Variants in USP47 observed in about 807,000 individuals in gnomAD.
USP47 encodes ubiquitin specific peptidase 47.
A neutral mutation model predicts 165.1 loss-of-function variants in USP47; 35 were observed. The observed-to-expected ratio is 0.21, with a 90% CI of 0.16 to 0.28. The LOEUF (loss-of-function observed/expected upper bound fraction) is 0.28, where lower values mean the gene tolerates loss of function less well. USP47 is among the 10% of genes least tolerant of loss of function. USP47 has a pLI of 1.00. For missense variants in USP47, 1,277 were observed against 1,607.4 expected (o/e 0.79, Z 3.52); for synonymous variants, 531 against 544.5 (o/e 0.98, Z 0.35).
chr11:11,871,275 G>A (rs183501115), intron 1 of USP47, among the ~76,000 whole-genome samples: 226 of 151,704 alleles, frequency 1.5e-3, no homozygotes, highest in African/African-American at 4.4e-3. Context: ...AGGCCGAGGC[G>A]GATAGGTCAT....
intron 1 of USP47, among the ~76,000 whole-genome samples, chr11:11,847,290 T>G (rs1194048383): frequency 1.3e-5 from 2 of 151,962 alleles, no homozygotes; most frequent in Non-Finnish European, 2.9e-5. Flanking sequence ...TTTTTTTTTT[T>G]TGTGCTCACA....
At chr11:11,948,744 G>A (rs1856020207) in intron 22 of USP47, 186 bp downstream of exon 22, 1 of 534,762 alleles carries the variant, frequency 1.9e-6, no homozygotes, top group African/African-American at 1.9e-5. Flanking sequence ...ATAGCACAAG[G>A]AGCCATAGAC....
At chr11:11,886,625 A>G (rs1851180864) in intron 3 of USP47, among the ~76,000 whole-genome samples, 1 of 152,172 alleles carries the variant, frequency 6.6e-6, no homozygotes, top group Non-Finnish European at 1.5e-5. Context: ...TGATTGGGAT[A>G]CCTGAAGGAG....
intron 5 of USP47, among the ~76,000 whole-genome samples, chr11:11,901,883 C>G (rs1852250402): frequency 1.3e-5 from 2 of 149,984 alleles, no homozygotes; most frequent in South Asian, 4.2e-4. Context: ...CGCTTAAAAC[C>G]AGGAGGCAGA....
chr11:11,900,507 G>T (rs921434210), intron 5 of USP47, among the ~76,000 whole-genome samples: 5 of 152,154 alleles, frequency 3.3e-5, no homozygotes, highest in African/African-American at 1.2e-4. Context: ...CCTGCCACTT[G>T]ATTTGGAGTC....
chr11:11,868,383 CA>C (rs1191354480), intron 1 of USP47, among the ~76,000 whole-genome samples: 1 of 152,170 alleles, frequency 6.6e-6, no homozygotes, highest in Non-Finnish European at 1.5e-5. Flanking sequence ...AAAATGGAAT[CA>C]CAGATTGTAG....
intron 8 of USP47, among the ~76,000 whole-genome samples, chr11:11,907,798 A>G (rs936753024): frequency 5.3e-5 from 8 of 152,086 alleles, no homozygotes; most frequent in African/African-American, 1.9e-4. Flanking sequence ...TATTTAATAT[A>G]TTAGATATAG....
intron 5 of USP47, among the ~76,000 whole-genome samples, chr11:11,899,226 T>C (rs1022701635): frequency 3.9e-5 from 6 of 152,200 alleles, no homozygotes; most frequent in African/African-American, 1.4e-4. Flanking sequence ...ACCAGATCGT[T>C]GGACAATGTG....
intron 18 of USP47, among the ~76,000 whole-genome samples, chr11:11,940,146 A>AG (rs1855365056): frequency 6.6e-6 from 1 of 152,022 alleles, no homozygotes; most frequent in Admixed American, 6.6e-5. Context: ...TTTACTTGGC[A>AG]AGTTTGAGAG....
rs1242160112 is a variant in USP47 at position 11,884,583 on chromosome 11, A to G, written c.357+3A>G. The G allele has an allele frequency of 6.3e-7, 1 of 1,597,638 alleles. No homozygotes were observed. The highest frequency in any genetic ancestry group is 8.5e-7 in the Non-Finnish European group (1 of 1,174,018). On this transcript the variant is annotated splice_donor_region_variant and intron_variant, in intron 3 of 27. Coordinates refer to ENST00000527733, the MANE Select transcript of USP47 (RefSeq NM_001282659.2). ...GTGAACAACCTCAAATACTGCTGGTAAGCTACTTAGAAAGCCCCATATTTA... is the reference window on the plus strand; with the variant it reads ...GTGAACAACCTCAAATACTGCTGGTGAGCTACTTAGAAAGCCCCATATTTA...
At chr11:11,849,970 C>T (rs941963406) in intron 1 of USP47, among the ~76,000 whole-genome samples, 1 of 152,096 alleles carries the variant, frequency 6.6e-6, no homozygotes, top group African/African-American at 2.4e-5. Flanking sequence ...TTTTCTGTGT[C>T]GATGTTGAGA....
chr11:11,902,744 C>T lies in USP47; in HGVS notation c.623C>T (p.Pro208Leu). The change falls in exon 6 of 28, where the codon CCA becomes CTA. Residue 208 changes from proline to leucine, a missense_variant. Pro to Leu is a moderately conservative substitution (Grantham distance 98). Transcript: ENST00000527733. ...KWEFEESEED[P>L]VTSIPYQLQR... ...GAATTTGAAGAATCTGAAGAAGATC[C>T]AGTGACAAGTATTCCATACCAACTT... The T allele has an allele frequency of 6.3e-7, 1 of 1,575,700 alleles. No homozygotes were observed. The highest frequency in any genetic ancestry group is 8.6e-7 in the Non-Finnish European group (1 of 1,161,050).
chr11:11,920,040 C>T lies in USP47; in HGVS notation c.970-116C>T, dbSNP rs1457780439. ...AATTTTCCTTGGTACATTTTGAGTT[C>T]CTAAATTTCTAACCATTCTACTTAT... On this transcript the variant is annotated intron_variant, in intron 8 of 27. Coordinates refer to ENST00000527733, the MANE Select transcript of USP47 (RefSeq NM_001282659.2). 8.6e-6 allele frequency: 6 copies of T among 696,522 alleles called. No individual in the cohort carries two copies. In the East Asian group the frequency reaches 1.7e-4, roughly 19 times the overall value. 43.1% of individuals were successfully genotyped at this position (696,522 alleles called of 1,614,324 possible). A position where few individuals can be genotyped will look rare whatever the true frequency, so the allele number is the denominator to read the frequency against.
At chr11:11,876,851 C>A (rs564552843) in intron 1 of USP47, among the ~76,000 whole-genome samples, 2 of 151,966 alleles carry the variant, frequency 1.3e-5, no homozygotes, top group African/African-American at 4.8e-5. Context: ...ACACACACAG[C>A]GTGACTTCTG....
chr11:11,862,024 C>CTT (rs35753812), intron 1 of USP47, among the ~76,000 whole-genome samples: 92 of 140,268 alleles, frequency 6.6e-4, no homozygotes, highest in African/African-American at 2.0e-3. Context: ...GGTACAAAGT[C>CTT]TTTTTTTTTT....
chr11:11,882,299 G>T (rs1850883065), intron 2 of USP47, among the ~76,000 whole-genome samples: 2 of 152,202 alleles, frequency 1.3e-5, no homozygotes, highest in South Asian at 2.1e-4. Flanking sequence ...ACCTCTAACA[G>T]TCAGTGAAGT....
intron 1 of USP47, among the ~76,000 whole-genome samples, chr11:11,859,317 T>C (rs1849241890): frequency 6.6e-6 from 1 of 152,174 alleles, no homozygotes; most frequent in Admixed American, 6.5e-5. Context: ...ACAATTTTGG[T>C]AGGCTCTTTG....
intron 1 of USP47, among the ~76,000 whole-genome samples, chr11:11,867,218 C>T (rs577613409): frequency 4.6e-5 from 7 of 152,140 alleles, no homozygotes; most frequent in Non-Finnish European, 8.8e-5. Context: ...CATGTAAATT[C>T]TTCTCCGTTT....
intron 1 of USP47, among the ~76,000 whole-genome samples, chr11:11,864,135 C>A: frequency 6.6e-6 from 1 of 151,844 alleles, no homozygotes; most frequent in East Asian, 1.9e-4. Flanking sequence ...TATATATCCA[C>A]TCAAATTATA....
Sources: gnomAD v4.1 joint callset for allele counts (sites outside exome capture counted in the v4.1 genomes callset) on GRCh38, gnomAD v4.1.1 for gene constraint, MANE v1.5 for transcripts, NCBI Gene and HGNC (gene_info 2026-07-23, HGNC 2026-07-21) for gene names.